MTMR7: variants seen among roughly 807,000 people sequenced by gnomAD.
MTMR7 encodes the protein myotubularin related protein 7, also known as phosphatidylinositol-3-phosphate phosphatase MTMR7.
MTMR7 carries 76 observed loss-of-function variants against 81.2 expected under a neutral mutation model. The observed-to-expected ratio is 0.94, with a 90% CI of 0.78 to 1.13. The LOEUF (loss-of-function observed/expected upper bound fraction) is 1.13. MTMR7 is among the 50% of genes most tolerant of loss of function. The pLI is 0.00. For synonymous variants in MTMR7, 372 were observed against 289.8 expected (o/e 1.28, Z -2.88); for missense variants, 1,044 against 820.0 (o/e 1.27, Z -3.34).
intron 7 of MTMR7, among the ~76,000 whole-genome samples, chr8:17,317,653 G>A (rs757263333): frequency 3.3e-5 from 5 of 152,132 alleles, no homozygotes; most frequent in Non-Finnish European, 5.9e-5. Flanking sequence ...AGGAGGCTGG[G>A]ACCCAATGAA....
At chr8:17,406,026 T>A (rs1821572700) in intron 1 of MTMR7, among the ~76,000 whole-genome samples, 1 of 152,200 alleles carries the variant, frequency 6.6e-6, no homozygotes, top group African/African-American at 2.4e-5. Context: ...AAAATTACTA[T>A]TTTCTTTCTG....
intron 13 of MTMR7, 110 bp from the exon 14 acceptor site, chr8:17,300,334 C>T (rs1218924373): frequency 4.2e-6 from 5 of 1,200,376 alleles, no homozygotes; most frequent in African/African-American, 1.5e-5. Flanking sequence ...ATGTTAAGAA[C>T]ATGTGACTCA....
intron 1 of MTMR7, among the ~76,000 whole-genome samples, chr8:17,403,200 G>C (rs573671836): frequency 6.6e-6 from 1 of 152,232 alleles, no homozygotes; most frequent in African/African-American, 2.4e-5. Context: ...TCTGTGGGTT[G>C]TCTCTTTGCT....
chr8:17,313,315 C>G lies in MTMR7; in HGVS notation c.952G>C (p.Asp318His), dbSNP rs1385143617. ...GWLRHIKAIMDAGIFIAKAVS... is the reference protein window; with the variant it reads ...GWLRHIKAIMHAGIFIAKAVS... ...ACCTTTGCAATGAAGATTCCTGCAT[C>G]CATTATGGCTTTAATGTGCCTTAAC... Residue 318 changes from aspartate to histidine, a missense_variant, in exon 8 of 14, where the codon GAT (aspartate) becomes CAT (histidine). Asp to His is a moderately conservative substitution (Grantham distance 81). Transcript: ENST00000180173. The G allele has an allele frequency of 6.2e-7, 1 of 1,612,450 alleles. No individual in the cohort carries two copies. The highest frequency in any genetic ancestry group is 8.5e-7 in the Non-Finnish European group (1 of 1,178,684).
intron 7 of MTMR7, among the ~76,000 whole-genome samples, chr8:17,323,076 T>C (rs1818489070): frequency 6.6e-6 from 1 of 150,778 alleles, no homozygotes; most frequent in African/African-American, 2.4e-5. Context: ...GCCTCCTGAG[T>C]AGCTGGGACT....
rs529993128 is a variant in MTMR7, at chr8:17,380,449, G to C, written c.25-7209C>G. On this transcript the variant is annotated intron_variant, in intron 1 of 13. Transcript: ENST00000180173. ...ACTTTCCCAGATCCTGCAGGGAACA[G>C]GTGGCGTGGCCCGGCCAGCATGGGT... is the stretch of plus-strand genomic sequence containing the variant. 1.8e-3 allele frequency among the ~76,000 whole-genome samples: 277 copies of C among 152,142 alleles called. 1 individual carries two copies. The highest frequency in any genetic ancestry group is 5.9e-3 in the African/African-American group (246 of 41,496).
In MTMR7 at chr8:17,390,248, T is replaced by C. The variant is rs182117419; in HGVS notation, c.25-17008A>G. On this transcript the variant is annotated intron_variant, in intron 1 of 13. Transcript: ENST00000180173. ...TGGGGAGGCCTCAGGAAGCTTCCAA[T>C]CATGGTGTAAGGCAAAGGGGGAGTG... is the stretch of plus-strand genomic sequence containing the variant. Among the ~76,000 whole-genome samples, 162 of 151,704 alleles carry C rather than the reference T, an allele frequency of 1.1e-3. No homozygotes were observed. The East Asian group carries it at 0.02, about 18-fold the overall frequency.
intron 7 of MTMR7, among the ~76,000 whole-genome samples, chr8:17,314,848 G>A (rs983985557): frequency 1.3e-5 from 2 of 152,220 alleles, no homozygotes; most frequent in African/African-American, 4.8e-5. Flanking sequence ...CTCTGGTTCA[G>A]AGCACTACCT....
intron 1 of MTMR7, among the ~76,000 whole-genome samples, chr8:17,395,835 G>C (rs527243652): frequency 2.6e-4 from 40 of 152,250 alleles, no homozygotes; most frequent in African/African-American, 9.4e-4. Flanking sequence ...TTTTTAAACA[G>C]ATGTAAACAC....
At chr8:17,321,270 G>C (rs549645807) in intron 7 of MTMR7, among the ~76,000 whole-genome samples, 13 of 152,326 alleles carry the variant, frequency 8.5e-5, no homozygotes, top group African/African-American at 3.1e-4. Flanking sequence ...ATGGCCACAG[G>C]ACCAGGCCCT....
chr8:17,311,515 A>T lies in MTMR7; in HGVS notation c.1097T>A (p.Phe366Tyr), dbSNP rs933204247. The change falls in exon 9 of 14, where the codon TTC becomes TAC. Residue 366 changes from phenylalanine to tyrosine, a missense_variant. Physicochemically the swap from Phe to Tyr is conservative, Grantham distance 22. Transcript: ENST00000180173. ...TCGCCCAGTGGCCACACTCACCATG[A>T]AGCCCTTCAGAGTCCGGTAGTGAGG... is the stretch of plus-strand genomic sequence containing the variant. ...LDPHYRTLKG[F>Y]MVLIEKDWIS... The T allele has an allele frequency of 6.2e-7, 1 of 1,614,154 alleles. No individual in the cohort carries two copies. The highest frequency in any genetic ancestry group is 8.5e-7 in the Non-Finnish European group (1 of 1,180,004).
At position 17,303,575 on chromosome 8, in the gene MTMR7, C is replaced by G. The variant is rs371950364; in HGVS notation, c.1493+804G>C. ...ATACCTAGTAGAACTTGTAGGATGC[C>G]ACCCTGCTCTCCCCATTCTCCCCAT... On this transcript the variant is annotated intron_variant, in intron 12 of 13. Transcript: ENST00000180173. 4.0e-4 allele frequency among the ~76,000 whole-genome samples: 60 copies of G among 151,548 alleles called. No individual in the cohort carries two copies. In the East Asian group the frequency reaches 9.2e-3, roughly 23 times the overall value.
chr8:17,356,112 G>A (rs759262970), intron 4 of MTMR7, among the ~76,000 whole-genome samples: 10 of 152,128 alleles, frequency 6.6e-5, no homozygotes, highest in East Asian at 5.8e-4. Flanking sequence ...TTGGGCAAAC[G>A]TGTTATTATT....
chr8:17,311,527 G>A lies in MTMR7; in HGVS notation c.1085C>T (p.Thr362Ile). ...ASLLLDPHYRTLKGFMVLIEK... is the reference protein window; with the variant it reads ...ASLLLDPHYRILKGFMVLIEK... ...CACACTCACCATGAAGCCCTTCAGA[G>A]TCCGGTAGTGAGGGTCCAGCAGCAG... Residue 362 changes from threonine to isoleucine, a missense_variant, in exon 9 of 14, where the codon ACT (threonine) becomes ATT (isoleucine). Coordinates refer to ENST00000180173, the MANE Select transcript of MTMR7 (RefSeq NM_004686.5). 6.2e-7 allele frequency: 1 copy of A among 1,614,142 alleles called. No individual in the cohort carries two copies. The highest frequency in any genetic ancestry group is 1.1e-5 in the South Asian group (1 of 91,082).
intron 7 of MTMR7, among the ~76,000 whole-genome samples, chr8:17,328,895 T>C (rs1818838521): frequency 6.6e-6 from 1 of 152,116 alleles, no homozygotes. Flanking sequence ...CAAAAATAGT[T>C]TGGTTGAGAC....
Position 17,408,052 on chromosome 8 carries a change from G to A in MTMR7, c.24+5217C>T, listed in dbSNP as rs536323533. On this transcript the variant is annotated intron_variant, in intron 1 of 13. Transcript: ENST00000180173. The stretch of plus-strand genomic sequence containing the variant: ...GGGTTCTAAAATGAGTTATTTAATG[G>A]ACCTTTGTATGAACCTAAAAAGTGG... 9.7e-4 allele frequency among the ~76,000 whole-genome samples: 147 copies of A among 152,278 alleles called. 1 individual carries two copies. Among genetic ancestry groups the A allele is most frequent in the African/African-American group, 3.2e-3 (134 of 41,568 alleles).
At chr8:17,307,374 A>C (rs1246005047) in intron 10 of MTMR7, among the ~76,000 whole-genome samples, 1 of 152,214 alleles carries the variant, frequency 6.6e-6, no homozygotes, top group Non-Finnish European at 1.5e-5. Context: ...ATCATTAAAA[A>C]GTCAGGAAAC....
chr8:17,304,605 A>C, intron 11 of MTMR7, 86 bp from the exon 12 acceptor site: 1 of 1,425,926 alleles, frequency 7.0e-7, no homozygotes, highest in Non-Finnish European at 9.7e-7. Context: ...GAAAGGAACT[A>C]ATAATTGTTA....
intron 11 of MTMR7, 81 bp from the exon 12 acceptor site, chr8:17,304,600 G>T: frequency 2.1e-6 from 3 of 1,456,140 alleles, no homozygotes; most frequent in Middle Eastern, 2.4e-4. Context: ...TGCTGGAAAG[G>T]AACTAATAAT....
Sources: allele counts gnomAD v4.1 joint callset (sites outside exome capture counted in the v4.1 genomes callset), GRCh38; gene constraint gnomAD v4.1.1; transcripts MANE v1.5; gene names NCBI Gene and HGNC (gene_info 2026-07-23, HGNC 2026-07-21).